The following SZT2 variants were observed in gnomAD, a reference collection of about 807,000 sequenced individuals.
SZT2 encodes the protein SZT2 subunit of KICSTOR complex, also known as KICSTOR complex protein SZT2.
A neutral mutation model predicts 404.2 loss-of-function variants in SZT2; 216 were observed. That is an observed-to-expected ratio of 0.53 (90% CI 0.48 to 0.60). The LOEUF (loss-of-function observed/expected upper bound fraction) is 0.60, where lower values mean the gene tolerates loss of function less well. SZT2 is among the 20% of genes least tolerant of loss of function. SZT2 has a pLI of 0.00. For missense variants in SZT2, 3,857 were observed against 4,459.2 expected (o/e 0.86, Z 3.85); for synonymous variants, 1,693 against 1,749.9 (o/e 0.97, Z 0.81).
chr1:43,393,647 G>GGT (rs1648664618), intron 1 of SZT2, among the ~76,000 whole-genome samples: 3 of 152,278 alleles, frequency 2.0e-5, no homozygotes, highest in Admixed American at 2.0e-4. Flanking sequence ...GTTAACAAAA[G>GGT]ACAGCACAAG....
chr1:43,442,240 C>T lies in SZT2; in HGVS notation c.7874-28C>T. 1.2e-6 allele frequency: 2 copies of T among 1,606,762 alleles called. No homozygotes were observed. Among genetic ancestry groups the T allele is most frequent in the South Asian group, 2.2e-5 (2 of 89,712 alleles). On this transcript the variant is annotated intron_variant, in intron 56 of 71. Coordinates refer to ENST00000634258, the MANE Select transcript of SZT2 (RefSeq NM_001365999.1). The surrounding 1 kb of genome is among the most constrained non-coding windows in gnomAD (Gnocchi z 4.5). ...ATCAAGGGGGATCTGTTCCCAGGCC[C>T]CTATTGTGCCCCTCCCCCACCCTGT...
In SZT2 at chr1:43,430,658, G is replaced by A. The variant is rs1653759332; in HGVS notation, c.4643G>A (p.Gly1548Glu). 3 of 1,614,088 alleles carry A rather than the reference G, an allele frequency of 1.9e-6. No homozygotes were observed. Among genetic ancestry groups the A allele is most frequent in the Non-Finnish European group, 2.5e-6 (3 of 1,180,026 alleles). ...NPDEDSFSIL[G>E]GDSPTGPESF... ...GATGAAGACTCCTTCAGTATCTTGG[G>A]GGGCGACTCACCCACTGGGCCTGAG... The change falls in exon 32 of 72, where the codon GGG becomes GAG. Residue 1548 changes from glycine (G) to glutamate (E), a missense_variant. Gly to Glu is a moderately conservative substitution (Grantham distance 98). Coordinates refer to ENST00000634258, the MANE Select transcript of SZT2 (RefSeq NM_001365999.1).
Position 43,425,700 on chromosome 1 carries a change from T to C in SZT2, c.2814+58T>C. On this transcript the variant is annotated intron_variant, in intron 19 of 71. Transcript: ENST00000634258. This position sits in a 1 kb window ranked among gnomAD's most constrained non-coding sequence, Gnocchi z 4.3. ...CTCACTGGATTGGGGTGCCATCTCT[T>C]TTGGAGTACTGCAGTCTGTGGGCTT... 6.2e-7 allele frequency: 1 copy of C among 1,605,164 alleles called. No individual in the cohort carries two copies. Among genetic ancestry groups the C allele is most frequent in the Admixed American group, 1.7e-5 (1 of 59,818 alleles).
chr1:43,425,363 G>A lies in SZT2; in HGVS notation c.2646-111G>A. 1.3e-6 allele frequency: 2 copies of A among 1,533,648 alleles called. No homozygotes were observed. The highest frequency in any genetic ancestry group is 1.8e-6 in the Non-Finnish European group (2 of 1,122,726). On this transcript the variant is annotated intron_variant, in intron 18 of 71. Transcript: ENST00000634258. The surrounding 1 kb of genome is among the most constrained non-coding windows in gnomAD (Gnocchi z 4.3). ...GCTTCATCAGGCAGACGCTGGTCTG[G>A]GAAGGCCTTGTATGACTCGTGGCTG...
chr1:43,422,046 G>A lies in SZT2; in HGVS notation c.1627-37G>A, dbSNP rs1285415074. On this transcript the variant is annotated intron_variant, in intron 11 of 71. Transcript: ENST00000634258. ...TTTGGAGTTTGTACCCTGGTCCTCT[G>A]CAAATGCTCCTATAGTGCTGTCCTT... is the stretch of plus-strand genomic sequence containing the variant. 1.9e-6 allele frequency: 3 copies of A among 1,561,814 alleles called. No individual in the cohort carries two copies. The African/African-American group carries it at 4.0e-5, about 21-fold the overall frequency.
At position 43,441,671 on chromosome 1, in the gene SZT2, T is replaced by C. The variant is rs1463502572; in HGVS notation, c.7610-15T>C. On this transcript the variant is annotated splice_polypyrimidine_tract_variant and intron_variant, in intron 54 of 71. Transcript: ENST00000634258. The surrounding 1 kb of genome is among the most constrained non-coding windows in gnomAD (Gnocchi z 4.8). ...CTCCATCCTGCAGCTCCACAGTGAC[T>C]CCTCTGCCTCCTAGGTTGTGCCTCA... The C allele has an allele frequency of 6.2e-7, 1 of 1,614,038 alleles. No individual in the cohort carries two copies. Among genetic ancestry groups the C allele is most frequent in the Non-Finnish European group, 8.5e-7 (1 of 1,179,960 alleles).
At position 43,426,706 on chromosome 1, in the gene SZT2, C is replaced by T; in HGVS notation, c.3215-9C>T. The T allele has an allele frequency of 6.2e-7, 1 of 1,602,070 alleles. No homozygotes were observed. Among genetic ancestry groups the T allele is most frequent in the Non-Finnish European group, 8.5e-7 (1 of 1,174,008 alleles). On this transcript the variant is annotated splice_polypyrimidine_tract_variant and intron_variant, in intron 22 of 71. Coordinates refer to ENST00000634258, the MANE Select transcript of SZT2 (RefSeq NM_001365999.1). The surrounding 1 kb of genome is among the most constrained non-coding windows in gnomAD (Gnocchi z 4.9). The stretch of plus-strand genomic sequence containing the variant: ...TGCCCTCTTTCACCCATCTCTACCC[C>T]CATTGTAGGTGCCGAGGGGCCACTG...
rs923505488 is a variant in SZT2 at position 43,443,601 on chromosome 1, G to A, written c.8630G>A (p.Arg2877His). The change falls in exon 62 of 72, where the codon CGC becomes CAC. Residue 2877 changes from arginine (R) to histidine (H), a missense_variant. By Grantham distance (29) the Arg-to-His change is conservative. Transcript: ENST00000634258. ...CCTTGATCTTTACTCTCATAGCGGC[G>A]CCATCGCCCTGAGTCAGGGTCTGGG... ...ETSGPPDGQR[R>H]HRPESGSGSR... 5.0e-6 allele frequency: 8 copies of A among 1,614,066 alleles called. No homozygotes were observed. The highest frequency in any genetic ancestry group is 4.0e-5 in the African/African-American group (3 of 75,046).
intron 1 of SZT2, among the ~76,000 whole-genome samples, chr1:43,400,747 C>A (rs1471427148): frequency 6.6e-6 from 1 of 152,080 alleles, no homozygotes; most frequent in Admixed American, 6.6e-5. Context: ...TGGCGGGTGC[C>A]TGTAATCCCA....
chr1:43,420,089 C>T lies in SZT2; in HGVS notation c.1091-64C>T, dbSNP rs756591820. Reference sequence around the variant, plus strand: ...CAGTCATTTCAGCATAGCCCCTTCCCCCTACAGATCTGTCAGTTGGCAGAT... The same window carrying T: ...CAGTCATTTCAGCATAGCCCCTTCCTCCTACAGATCTGTCAGTTGGCAGAT... On this transcript the variant is annotated intron_variant, in intron 8 of 71. Transcript: ENST00000634258. This position sits in a 1 kb window ranked among gnomAD's most constrained non-coding sequence, Gnocchi z 5.1. The T allele has an allele frequency of 8.2e-6, 13 of 1,581,896 alleles. No individual in the cohort carries two copies. Among genetic ancestry groups the T allele is most frequent in the Non-Finnish European group, 1.1e-5 (13 of 1,169,492 alleles).
rs1011305606 is a variant in SZT2, at chr1:43,451,402, C to T, written c.*922C>T. 6.8e-6 allele frequency: 11 copies of T among 1,612,146 alleles called. No homozygotes were observed. The highest frequency in any genetic ancestry group is 5.0e-5 in the Admixed American group (3 of 60,012). On this transcript the variant is annotated 3_prime_UTR_variant, in exon 72 of 72. Coordinates refer to ENST00000634258, the MANE Select transcript of SZT2 (RefSeq NM_001365999.1). ...TCCAGAGCTCCCTTCCCCAGGGCCA[C>T]GCCTCACCTCGAGGCTGATACTCAC...
rs752967644 is a variant in SZT2, at chr1:43,452,920, C to T, written c.*2440C>T. The T allele has an allele frequency of 1.4e-5, 23 of 1,605,864 alleles. No homozygotes were observed. In the Admixed American group the frequency reaches 2.5e-4, roughly 18 times the overall value. On this transcript the variant is annotated 3_prime_UTR_variant, in exon 72 of 72. Transcript: ENST00000634258. ...CTACATACATGTCCAGCCTCAGGAACGCTGCCAAATACACCAGGCCTCCTC... is the reference window on the plus strand; with the variant it reads ...CTACATACATGTCCAGCCTCAGGAATGCTGCCAAATACACCAGGCCTCCTC...
At chr1:43,440,098 G>T in intron 51 of SZT2, 50 bp downstream of exon 51, 1 of 1,609,390 alleles carries the variant, frequency 6.2e-7, no homozygotes, top group Non-Finnish European at 8.5e-7. Context: ...ACAGATCCAA[G>T]CAGGACAGTG....
rs1653033468 is a variant in SZT2 at position 43,425,486 on chromosome 1, T to C, written c.2658T>C (p.Asp886=). Residue 886 remains aspartate (D), a synonymous_variant, in exon 19 of 72, where the codon GAT becomes GAC. Transcript: ENST00000634258. This position sits in a 1 kb window ranked among gnomAD's most constrained non-coding sequence, Gnocchi z 4.3. ...CTTCCTCCTTTAGCTTCTCGACAGA[T>C]GATGACAATGATGTGGAAGTGGAGG... The part of the protein sequence containing the change: ...STSTKDSFST[D]DDNDVEVEAL... 2 of 1,613,982 alleles carry C rather than the reference T, an allele frequency of 1.2e-6. No individual in the cohort carries two copies. The highest frequency in any genetic ancestry group is 1.3e-5 in the African/African-American group (1 of 74,908).
Position 43,446,350 on chromosome 1 carries a change from C to T in SZT2, c.9006C>T (p.Tyr3002=), listed in dbSNP as rs760395075. Residue 3002 remains tyrosine, a synonymous_variant, in exon 65 of 72, where the codon TAC becomes TAT. Coordinates refer to ENST00000634258, the MANE Select transcript of SZT2 (RefSeq NM_001365999.1). ...ILMELAFQGC[Y]FCVKQFALEC... is the part of the protein sequence containing the mutation. Reference sequence around the variant, plus strand: ...CTTCACCTTCCCTCCAGGGCTGTTACTTCTGTGTCAAACAGTTTGCCCTGG... The same window carrying T: ...CTTCACCTTCCCTCCAGGGCTGTTATTTCTGTGTCAAACAGTTTGCCCTGG... 7 of 1,614,148 alleles carry T rather than the reference C, an allele frequency of 4.3e-6. No homozygotes were observed. In the East Asian group the frequency reaches 1.3e-4, roughly 31 times the overall value.
rs1200507467 is a variant in SZT2, at chr1:43,453,399, G to A, written c.*2919G>A. On this transcript the variant is annotated 3_prime_UTR_variant, in exon 72 of 72. Coordinates refer to ENST00000634258, the MANE Select transcript of SZT2 (RefSeq NM_001365999.1). ...GGAGCGGGGTACCTGGGACAGCCCA[G>A]GGCTTTGGCATACCGCACGGCCTGC... The A allele has an allele frequency of 1.0e-5, 16 of 1,555,002 alleles. No individual in the cohort carries two copies. The highest frequency in any genetic ancestry group is 2.4e-5 in the South Asian group (2 of 84,428).
chr1:43,426,030 C>T lies in SZT2; in HGVS notation c.2930-8C>T, dbSNP rs779623490. On this transcript the variant is annotated splice_region_variant and splice_polypyrimidine_tract_variant and intron_variant, in intron 20 of 71. Transcript: ENST00000634258. The surrounding 1 kb of genome is among the most constrained non-coding windows in gnomAD (Gnocchi z 4.9). Reference sequence around the variant, plus strand: ...GTCTCACTGTGTCCTGTCCTTCCTCCCTCGTAGGATTGGATCAGGGAGGAG... The same window carrying T: ...GTCTCACTGTGTCCTGTCCTTCCTCTCTCGTAGGATTGGATCAGGGAGGAG... The T allele has an allele frequency of 6.2e-6, 10 of 1,613,846 alleles. No individual in the cohort carries two copies. In the East Asian group the frequency reaches 1.8e-4, roughly 29 times the overall value.
At chr1:43,405,710 G>C (rs1353143090) in intron 4 of SZT2, 2 of 152,214 alleles carry the variant, frequency 1.3e-5, no homozygotes, top group African/African-American at 4.8e-5. Context: ...TGCTTTCCTA[G>C]TATAGCCGTT....
intron 1 of SZT2, 116 bp from the exon 2 acceptor site, chr1:43,403,061 T>C: frequency 9.0e-7 from 1 of 1,114,578 alleles, no homozygotes; most frequent in Admixed American, 2.1e-5. Context: ...TCACTTCTGC[T>C]GTTTTCCCTC....
Sources: allele counts gnomAD v4.1 joint callset (sites outside exome capture counted in the v4.1 genomes callset), GRCh38; gene constraint gnomAD v4.1.1; non-coding constraint Gnocchi (gnomAD v3.1); transcripts MANE v1.5; gene names NCBI Gene and HGNC (gene_info 2026-07-23, HGNC 2026-07-21).